Variants in YEATS2 observed in about 807,000 individuals in gnomAD.
YEATS2 encodes the protein YEATS domain containing 2.
A neutral mutation model predicts 163.2 loss-of-function variants in YEATS2; 77 were observed. The ratio of observed to expected loss-of-function variants is 0.47; its 90% CI spans 0.39 to 0.57. YEATS2 has a LOEUF of 0.57. YEATS2 is among the 20% of genes least tolerant of loss of function. The pLI, the probability that YEATS2 is intolerant of heterozygous loss-of-function variation, is 0.00. For missense variants in YEATS2, 1,549 were observed against 1,729.8 expected, an observed-to-expected ratio of 0.90 and a Z score of 1.85; for synonymous variants, 631 against 645.1, an observed-to-expected ratio of 0.98 and a Z score of 0.33.
At chr3:183,703,081 TAA>T (rs1714272801) in intron 1 of YEATS2, among the ~76,000 whole-genome samples, 1 of 152,164 alleles carries the variant, frequency 6.6e-6, no homozygotes. Context: ...TGGAAATATA[TAA>T]GACTGAAATA....
At chr3:183,800,396 G>C in intron 23 of YEATS2, 70 bp from the exon 24 acceptor site, 5 of 1,140,506 alleles carry the variant, frequency 4.4e-6, no homozygotes, top group African/African-American at 1.5e-5. Flanking sequence ...TAAGAGCTTT[G>C]TTTGTGCCTG....
At chr3:183,717,447 A>T (rs556229144) in intron 2 of YEATS2, among the ~76,000 whole-genome samples, 5 of 152,336 alleles carry the variant, frequency 3.3e-5, no homozygotes, top group African/African-American at 1.2e-4. Flanking sequence ...GTGTCTTTTT[A>T]GGGCATGATA....
At chr3:183,777,227 TC>T (rs1479171889) in intron 18 of YEATS2, among the ~76,000 whole-genome samples, 5 of 152,342 alleles carry the variant, frequency 3.3e-5, no homozygotes, top group Non-Finnish European at 7.3e-5. Context: ...GAATTTTGGT[TC>T]CAGATGTTCT....
At chr3:183,746,293 A>G (rs1185562015) in intron 8 of YEATS2, among the ~76,000 whole-genome samples, 6 of 152,166 alleles carry the variant, frequency 3.9e-5, no homozygotes, top group African/African-American at 1.4e-4. Context: ...GACTCAAGCA[A>G]TCAGCCTGCC....
At chr3:183,715,330 C>T in intron 2 of YEATS2, 68 bp downstream of exon 2, 2 of 1,170,852 alleles carry the variant, frequency 1.7e-6, no homozygotes, top group South Asian at 2.6e-5. Flanking sequence ...CTTACAGGAA[C>T]TAGAATGAAA....
intron 19 of YEATS2, among the ~76,000 whole-genome samples, chr3:183,778,043 C>T (rs1347416154): frequency 2.9e-5 from 4 of 139,868 alleles, no homozygotes; most frequent in Admixed American, 1.6e-4. Context: ...ACCCGGGAGG[C>T]GGAGGTTGCA....
chr3:183,739,468 A>G (rs2109188922), intron 8 of YEATS2, among the ~76,000 whole-genome samples: 1 of 74,992 alleles, frequency 1.3e-5, no homozygotes, highest in Non-Finnish European at 2.7e-5. Flanking sequence ...GATACAAACA[A>G]ATGGAAGAAC....
chr3:183,726,745 T>C (rs1717143924), intron 6 of YEATS2, among the ~76,000 whole-genome samples: 1 of 152,224 alleles, frequency 6.6e-6, no homozygotes, highest in South Asian at 2.1e-4. Flanking sequence ...TTCGTATATT[T>C]TTCTCAAATC....
chr3:183,776,007 G>A lies in YEATS2; in HGVS notation c.2461G>A (p.Gly821Ser), dbSNP rs756228064. ...GGGGSGSGGG[G>S]STGGGGGTAG... is the part of the protein sequence containing the mutation. ...AGGCGGCAGTGGCAGCGGTGGAGGC[G>A]GCAGCACAGGAGGAGGAGGAGGAAC... The change falls in exon 18 of 31, where the codon GGC becomes AGC. Residue 821 changes from glycine (G) to serine (S), a missense_variant. Gly to Ser is a moderately conservative substitution (Grantham distance 56). Coordinates refer to ENST00000305135, the MANE Select transcript of YEATS2 (RefSeq NM_018023.5). The A allele has an allele frequency of 9.3e-6, 15 of 1,609,826 alleles. No individual in the cohort carries two copies. The highest frequency in any genetic ancestry group is 1.7e-4 in the Middle Eastern group (1 of 5,876).
chr3:183,722,999 C>T (rs1716692185), intron 5 of YEATS2, among the ~76,000 whole-genome samples: 1 of 152,236 alleles, frequency 6.6e-6, no homozygotes, highest in Admixed American at 6.5e-5. Context: ...CTGTGCACAG[C>T]ACAGCTCCTG....
chr3:183,786,494 A>G (rs73887516), intron 20 of YEATS2, among the ~76,000 whole-genome samples, 193 bp downstream of exon 20: 141 of 152,110 alleles, frequency 9.3e-4, no homozygotes, highest in African/African-American at 3.2e-3. Flanking sequence ...TGTCATTCAC[A>G]TGGTTGTGCA....
At chr3:183,739,014 C>T (rs1372915767) in intron 8 of YEATS2, among the ~76,000 whole-genome samples, 5 of 141,364 alleles carry the variant, frequency 3.5e-5, no homozygotes, top group Admixed American at 2.2e-4. Flanking sequence ...TTTACAGTCC[C>T]ACCAACAGTG....
Position 183,728,808 on chromosome 3 carries a change from T to G in YEATS2, c.769T>G (p.Phe257Val), listed in dbSNP as rs1462518937. 4 of 1,614,180 alleles carry G rather than the reference T, an allele frequency of 2.5e-6. No homozygotes were observed. The highest frequency in any genetic ancestry group is 3.4e-6 in the Non-Finnish European group (4 of 1,180,018). The change falls in exon 7 of 31, where the codon TTC becomes GTC. Residue 257 changes from phenylalanine (F) to valine (V), a missense_variant. Phe to Val is a conservative substitution (Grantham distance 50, BLOSUM62 -1). Transcript: ENST00000305135. Reference protein sequence around the residue: ...INHFVKKVWFFLHPSYKPNDL... With the variant: ...INHFVKKVWFVLHPSYKPNDL... ...TCATTTTGTCAAGAAGGTTTGGTTC[T>G]TCCTTCATCCTAGCTATAAACCAAA...
intron 20 of YEATS2, among the ~76,000 whole-genome samples, chr3:183,790,180 A>G (rs929120266): frequency 6.6e-6 from 1 of 152,132 alleles, no homozygotes; most frequent in African/African-American, 2.4e-5. Context: ...TAAAGTGCCT[A>G]ATGTTTTACC....
In YEATS2 at chr3:183,770,604, A is replaced by G. The variant is rs114510358; in HGVS notation, c.1948-1701A>G. ...TTTCTCCAAATAAAACATTTCTGAT[A>G]AAGTTGAAGTCCACTTTGTTCTTCC... On this transcript the variant is annotated intron_variant, in intron 15 of 30. Coordinates refer to ENST00000305135, the MANE Select transcript of YEATS2 (RefSeq NM_018023.5). Among the ~76,000 whole-genome samples the G allele has an allele frequency of 5.4e-3, 817 of 152,318 alleles. 3 individuals are homozygous for G. Among genetic ancestry groups the G allele is most frequent in the Non-Finnish European group, 8.5e-3 (578 of 68,032 alleles).
At chr3:183,718,707 G>C in intron 4 of YEATS2, 115 bp downstream of exon 4, 1 of 905,762 alleles carries the variant, frequency 1.1e-6, no homozygotes. Flanking sequence ...TTGTTTTTTG[G>C]TTTTTTTTTG....
chr3:183,740,170 A>G (rs1385536722), intron 8 of YEATS2, among the ~76,000 whole-genome samples: 2 of 150,196 alleles, frequency 1.3e-5, no homozygotes, highest in Non-Finnish European at 3.0e-5. Flanking sequence ...GTGAACAGGC[A>G]ACCTACAACA....
At chr3:183,750,889 G>A (rs185685604) in intron 9 of YEATS2, among the ~76,000 whole-genome samples, 132 of 152,190 alleles carry the variant, frequency 8.7e-4, no homozygotes, top group African/African-American at 2.9e-3. Flanking sequence ...CTTCCATTCC[G>A]TGTTATATTT....
intron 1 of YEATS2, among the ~76,000 whole-genome samples, chr3:183,703,089 AAAT>A (rs1455702833): frequency 1.1e-4 from 17 of 152,182 alleles, no homozygotes; most frequent in African/African-American, 3.9e-4. Flanking sequence ...TATAAGACTG[AAAT>A]AATGAGACAG....
Sources: allele counts gnomAD v4.1 joint callset (sites outside exome capture counted in the v4.1 genomes callset), GRCh38; gene constraint gnomAD v4.1.1; transcripts MANE v1.5; gene names NCBI Gene and HGNC (gene_info 2026-07-23, HGNC 2026-07-21).